Variants in PRPSAP2 observed in about 807,000 individuals in gnomAD.
The protein encoded by PRPSAP2 is phosphoribosyl pyrophosphate synthase-associated protein 2.
A neutral mutation model predicts 40.6 loss-of-function variants in PRPSAP2; 24 were observed. The observed-to-expected ratio is 0.59, with a 90% confidence interval of 0.43 to 0.83. PRPSAP2 has a LOEUF of 0.83. Among genes scored for constraint, PRPSAP2 ranks in the 40% least tolerant of loss-of-function variants. The pLI is 0.00. For synonymous variants in PRPSAP2, 149 were observed against 164.7 expected (o/e 0.90, Z 0.73); for missense variants, 292 against 465.6 (o/e 0.63, Z 3.43).
intron 1 of PRPSAP2, among the ~76,000 whole-genome samples, chr17:18,863,123 T>TTTTATTTA (rs1212170481): frequency 6.6e-6 from 1 of 151,846 alleles, no homozygotes; most frequent in Non-Finnish European, 1.5e-5. Context: ...CCCGGCAATT[T>TTTTATTTA]TTTATTTATT....
In PRPSAP2 at chr17:18,889,952, A is replaced by G. The variant is rs556197940; in HGVS notation, c.584+75A>G. Reference sequence around the variant, plus strand: ...ATCCGTGATGAGTTCCAGGCATTCTAATTTGAACTTCAGTGGTTCCCAGCG... The same window carrying G: ...ATCCGTGATGAGTTCCAGGCATTCTGATTTGAACTTCAGTGGTTCCCAGCG... On this transcript the variant is annotated intron_variant, in intron 8 of 11. Transcript: ENST00000268835. 2.3e-6 allele frequency: 3 copies of G among 1,327,732 alleles called. No homozygotes were observed. The African/African-American group carries it at 4.4e-5, about 20-fold the overall frequency. 82.2% of individuals were successfully genotyped at this position (1,327,732 alleles called of 1,614,324 possible).
At chr17:18,888,884 T>C (rs1366054784) in intron 7 of PRPSAP2, among the ~76,000 whole-genome samples, 1 of 152,240 alleles carries the variant, frequency 6.6e-6, no homozygotes, top group Admixed American at 6.5e-5. Flanking sequence ...TAATTTCCCA[T>C]TTTAACCTCC....
chr17:18,869,279 C>T (rs1039008436), intron 4 of PRPSAP2, among the ~76,000 whole-genome samples: 1 of 151,940 alleles, frequency 6.6e-6, no homozygotes, highest in South Asian at 2.1e-4. Flanking sequence ...ATGTTAGGTA[C>T]GAGGTCCAGT....
At chr17:18,868,723 A>ATTTTTTTTTTTTTTT (rs34924536) in intron 4 of PRPSAP2, among the ~76,000 whole-genome samples, 1 of 144,426 alleles carries the variant, frequency 6.9e-6, no homozygotes. Context: ...TTAAAAAAAC[A>ATTTTTTTTTTTTTTT]TTTTTTTTTT....
intron 9 of PRPSAP2, among the ~76,000 whole-genome samples, chr17:18,916,824 A>G (rs1387669515): frequency 6.6e-6 from 1 of 152,212 alleles, no homozygotes; most frequent in Non-Finnish European, 1.5e-5. Context: ...GTGTCCTCAG[A>G]TGGTGGAAGG....
At chr17:18,883,165 G>C (rs1206795763) in intron 7 of PRPSAP2, among the ~76,000 whole-genome samples, 35 of 152,100 alleles carry the variant, frequency 2.3e-4, no homozygotes, top group Admixed American at 2.3e-3. Context: ...AAGCGGTGCT[G>C]AATCTGTCAG....
intron 9 of PRPSAP2, among the ~76,000 whole-genome samples, chr17:18,916,424 G>A (rs1216128910): frequency 1.3e-5 from 2 of 149,230 alleles, no homozygotes; most frequent in Non-Finnish European, 3.0e-5. Flanking sequence ...TGCCCAGGCT[G>A]GAGTGCAATG....
chr17:18,906,078 C>T (rs2040566376), intron 8 of PRPSAP2, among the ~76,000 whole-genome samples: 2 of 152,194 alleles, frequency 1.3e-5, no homozygotes, highest in African/African-American at 4.8e-5. Flanking sequence ...ATTTTACTGA[C>T]TTCACTGTTT....
At chr17:18,886,683 G>A (rs764951643) in intron 7 of PRPSAP2, among the ~76,000 whole-genome samples, 3 of 152,034 alleles carry the variant, frequency 2.0e-5, no homozygotes, top group African/African-American at 4.8e-5. Flanking sequence ...TTCTGAGGGC[G>A]TCTGACAGTG....
At chr17:18,892,268 A>T (rs1261042141) in intron 8 of PRPSAP2, among the ~76,000 whole-genome samples, 1 of 152,144 alleles carries the variant, frequency 6.6e-6, no homozygotes, top group African/African-American at 2.4e-5. Context: ...GGCTATTATG[A>T]ATAGGACTCC....
At chr17:18,910,975 TTC>T (rs1016362739) in intron 8 of PRPSAP2, 126 bp from the exon 9 acceptor site, 94 of 1,152,294 alleles carry the variant, frequency 8.2e-5, no homozygotes, top group African/African-American at 1.2e-4. Context: ...GGCTGTTTTA[TTC>T]TCTCTTTTCT....
At chr17:18,875,339 A>G (rs1318693316) in intron 5 of PRPSAP2, among the ~76,000 whole-genome samples, 1 of 152,040 alleles carries the variant, frequency 6.6e-6, no homozygotes, top group East Asian at 1.9e-4. Flanking sequence ...CGAGGTGGGC[A>G]TATCAGTTGA....
intron 6 of PRPSAP2, among the ~76,000 whole-genome samples, chr17:18,878,178 G>T (rs140834846): frequency 6.6e-6 from 1 of 152,204 alleles, no homozygotes; most frequent in East Asian, 1.9e-4. Context: ...AGCCTCCCAG[G>T]GTGCTGAGAT....
At position 18,877,561 on chromosome 17, in the gene PRPSAP2, G is replaced by T. The variant is rs1043737277; in HGVS notation, c.240-137G>T. On this transcript the variant is annotated intron_variant, in intron 5 of 11. Transcript: ENST00000268835. ...ATCTTATGGAGGCCTGAGAAAAGAGGAATTTATTGGTTGGTTTTTTTCTGC... is the reference window on the plus strand; with the variant it reads ...ATCTTATGGAGGCCTGAGAAAAGAGTAATTTATTGGTTGGTTTTTTTCTGC... 8.9e-5 allele frequency: 63 copies of T among 704,898 alleles called. 1 individual carries two copies. In the South Asian group the frequency reaches 1.2e-3, roughly 13 times the overall value. The allele number at this position is 704,898 out of a possible 1,614,324, so 43.7% of individuals were successfully genotyped here.
chr17:18,888,773 G>A (rs1336093476), intron 7 of PRPSAP2, among the ~76,000 whole-genome samples: 1 of 28,934 alleles, frequency 3.5e-5, no homozygotes, highest in South Asian at 6.3e-4. Context: ...CACCTCCCTC[G>A]CGGACGGGGC....
intron 8 of PRPSAP2, among the ~76,000 whole-genome samples, chr17:18,892,488 C>G (rs998447369): frequency 6.6e-6 from 1 of 151,962 alleles, no homozygotes; most frequent in African/African-American, 2.4e-5. Flanking sequence ...TTCACCAACA[C>G]TTAATTCTCT....
At chr17:18,889,998 A>G (rs2039437243) in intron 8 of PRPSAP2, 121 bp downstream of exon 8, 3 of 702,724 alleles carry the variant, frequency 4.3e-6, no homozygotes, top group Admixed American at 6.7e-5. Flanking sequence ...TTTTTCTTCC[A>G]TGGACTGGTA....
chr17:18,885,429 A>AAAAAAAAAAAAAAAAT (rs59891086), intron 7 of PRPSAP2, among the ~76,000 whole-genome samples: 1 of 109,274 alleles, frequency 9.2e-6, no homozygotes, highest in Non-Finnish European at 1.9e-5. Context: ...AAAAAAAAAA[A>AAAAAAAAAAAAAAAAT]TTAATATGTG....
chr17:18,891,746 C>T (rs934063107), intron 8 of PRPSAP2, among the ~76,000 whole-genome samples: 1 of 152,222 alleles, frequency 6.6e-6, no homozygotes, highest in Non-Finnish European at 1.5e-5. Context: ...TATCCCTTCA[C>T]CTTCTGTCCC....
Sources: gnomAD v4.1 joint callset for allele counts (sites outside exome capture counted in the v4.1 genomes callset) on GRCh38, gnomAD v4.1.1 for gene constraint, MANE v1.5 for transcripts, NCBI Gene and HGNC (gene_info 2026-07-23, HGNC 2026-07-21) for gene names.